Variants in OPCML observed in about 807,000 individuals in gnomAD.
The protein encoded by OPCML is opioid-binding protein/cell adhesion molecule.
In OPCML, 13 loss-of-function variants were observed where a neutral mutation model predicts 37.8. The ratio of observed to expected loss-of-function variants is 0.34; its 90% CI spans 0.22 to 0.55. The LOEUF is 0.55. Ranked by LOEUF, OPCML falls within the 20% of genes least tolerant of loss-of-function variation. The pLI, the probability that OPCML is intolerant of heterozygous loss-of-function variation, is 0.91. For missense variants in OPCML, 341 were observed against 435.6 expected, an observed-to-expected ratio of 0.78 and a Z score of 1.93; for synonymous variants, 176 against 168.8, an observed-to-expected ratio of 1.04 and a Z score of -0.33.
At chr11:132,639,545 A>G (rs544251646) in intron 3 of OPCML, among the ~76,000 whole-genome samples, 2 of 152,358 alleles carry the variant, frequency 1.3e-5, no homozygotes, top group South Asian at 4.1e-4. Flanking sequence ...TATGGAACCT[A>G]AAGTTCCTGA....
rs184371850 is a variant in OPCML at position 133,377,408 on chromosome 11, G to C, written c.61+154856C>G. On this transcript the variant is annotated intron_variant, in intron 1 of 7. Transcript: ENST00000524381. ...CCAAACATTTTGCCAGTCTGCTGTC[G>C]GTTGAGTTTTGCCGATTGAAGATAC... Among the ~76,000 whole-genome samples the C allele has an allele frequency of 7.9e-5, 12 of 151,912 alleles. No individual in the cohort carries two copies. The East Asian group carries it at 2.3e-3, about 30-fold the overall frequency.
At chr11:132,537,246 T>A (rs757303376) in intron 3 of OPCML, among the ~76,000 whole-genome samples, 8 of 152,194 alleles carry the variant, frequency 5.3e-5, no homozygotes, top group Non-Finnish European at 1.0e-4. Flanking sequence ...GGCATATACA[T>A]CAATGGAATA....
At chr11:133,167,220 T>A (rs1362219252) in intron 1 of OPCML, among the ~76,000 whole-genome samples, 3 of 152,190 alleles carry the variant, frequency 2.0e-5, no homozygotes, top group Admixed American at 6.5e-5. Context: ...TCCCATTGGG[T>A]CTTTGCTTCC....
intron 1 of OPCML, chr11:133,005,356 C>T: frequency 1.0e-6 from 1 of 985,408 alleles, no homozygotes; most frequent in Non-Finnish European, 1.2e-6. Flanking sequence ...GTGATGTAGA[C>T]ACATACAGCA....
intron 3 of OPCML, among the ~76,000 whole-genome samples, chr11:132,598,980 A>G (rs1383782505): frequency 3.9e-5 from 6 of 152,198 alleles, no homozygotes; most frequent in Non-Finnish European, 7.3e-5. Flanking sequence ...CAGCAGACAG[A>G]AAACCTAAGC....
chr11:133,112,665 T>G (rs1371043273), intron 1 of OPCML, among the ~76,000 whole-genome samples: 1 of 152,138 alleles, frequency 6.6e-6, no homozygotes, highest in African/African-American at 2.4e-5. Context: ...GATAGGTGAA[T>G]GTCCCAGGTT....
intron 4 of OPCML, among the ~76,000 whole-genome samples, chr11:132,508,630 T>C (rs1302873169): frequency 1.3e-5 from 2 of 152,196 alleles, no homozygotes; most frequent in African/African-American, 2.4e-5. Flanking sequence ...TTTCCCATGC[T>C]ATTCTCGTGA....
intron 2 of OPCML, among the ~76,000 whole-genome samples, chr11:132,814,293 T>C (rs765241555): frequency 6.6e-6 from 1 of 152,174 alleles, no homozygotes; most frequent in Non-Finnish European, 1.5e-5. Flanking sequence ...ATGTATTTAT[T>C]ATGAGAAATT....
chr11:133,505,706 T>C, intron 1 of OPCML, among the ~76,000 whole-genome samples: 1 of 152,186 alleles, frequency 6.6e-6, no homozygotes, highest in East Asian at 1.9e-4. Flanking sequence ...GGTGAACTGA[T>C]GCCTCCCAAA....
intron 1 of OPCML, among the ~76,000 whole-genome samples, chr11:133,253,618 C>T (rs1175808401): frequency 1.3e-5 from 2 of 152,176 alleles, no homozygotes; most frequent in South Asian, 2.1e-4. Context: ...TTGCGAGTCA[C>T]ATTTTAAATC....
chr11:132,928,084 G>GA (rs1413674055), intron 2 of OPCML, among the ~76,000 whole-genome samples: 2 of 151,856 alleles, frequency 1.3e-5, no homozygotes, highest in African/African-American at 4.8e-5. Flanking sequence ...AAAGTGTACA[G>GA]AAAAAATATA....
intron 2 of OPCML, among the ~76,000 whole-genome samples, chr11:132,871,981 T>C (rs1476043753): frequency 2.0e-5 from 3 of 152,226 alleles, no homozygotes; most frequent in Non-Finnish European, 2.9e-5. Context: ...ACTAAAATTT[T>C]ATCCCATCTT....
chr11:133,311,940 T>C (rs1943076183), intron 1 of OPCML, among the ~76,000 whole-genome samples: 1 of 152,008 alleles, frequency 6.6e-6, no homozygotes, highest in South Asian at 2.1e-4. Context: ...TGGAACAGAC[T>C]TGATGTTGAG....
chr11:132,613,806 T>C (rs1043282871), intron 3 of OPCML, among the ~76,000 whole-genome samples: 10 of 152,178 alleles, frequency 6.6e-5, no homozygotes, highest in African/African-American at 1.2e-4. Flanking sequence ...AGCAAAATTA[T>C]GGTTGCTGGT....
chr11:132,673,713 C>A (rs1233882847), intron 2 of OPCML, among the ~76,000 whole-genome samples: 1 of 152,072 alleles, frequency 6.6e-6, no homozygotes, highest in Admixed American at 6.5e-5. Context: ...GTATCTGTAA[C>A]CATTTAGAAC....
intron 1 of OPCML, among the ~76,000 whole-genome samples, chr11:133,335,364 C>T (rs560280938): frequency 6.6e-6 from 1 of 152,232 alleles, no homozygotes; most frequent in Non-Finnish European, 1.5e-5. Context: ...GTCAGCACTT[C>T]GTACCTGACA....
chr11:133,299,136 ACTT>A (rs1942715426), intron 1 of OPCML: 3 of 152,226 alleles, frequency 2.0e-5, no homozygotes, highest in Non-Finnish European at 2.9e-5. Context: ...ACCACCCAGC[ACTT>A]TCTGACACTG....
At chr11:133,188,532 TA>T (rs371028958) in intron 1 of OPCML, among the ~76,000 whole-genome samples, 16 of 152,014 alleles carry the variant, frequency 1.1e-4, no homozygotes, top group African/African-American at 3.4e-4. Flanking sequence ...AAGATTGAAT[TA>T]AAAAAAAGTT....
At chr11:132,609,754 C>T (rs138561361) in intron 3 of OPCML, among the ~76,000 whole-genome samples, 79 of 152,236 alleles carry the variant, frequency 5.2e-4, no homozygotes, top group East Asian at 1.7e-3. Context: ...TATACCTCTG[C>T]GTTAATGCTG....
Sources: gnomAD v4.1 joint callset for allele counts (sites outside exome capture counted in the v4.1 genomes callset) on GRCh38, gnomAD v4.1.1 for gene constraint, MANE v1.5 for transcripts, NCBI Gene and HGNC (gene_info 2026-07-23, HGNC 2026-07-21) for gene names.